Variants in HCN1 observed in about 807,000 individuals in gnomAD.
HCN1 encodes the protein potassium/sodium hyperpolarization-activated cyclic nucleotide-gated channel 1.
A neutral mutation model predicts 78.9 loss-of-function variants in HCN1; 13 were observed. The observed-to-expected ratio is 0.16, with a 90% CI of 0.11 to 0.26. HCN1 has a LOEUF of 0.26. HCN1 is among the 10% of genes least tolerant of loss of function. The pLI is 1.00. For synonymous variants in HCN1, 552 were observed against 455.5 expected, an observed-to-expected ratio of 1.21 and a Z score of -2.70; for missense variants, 810 against 1,154.3, an observed-to-expected ratio of 0.70 and a Z score of 4.32.
intron 5 of HCN1, among the ~76,000 whole-genome samples, chr5:45,328,463 C>T (rs551103530): frequency 2.6e-5 from 4 of 151,674 alleles, no homozygotes; most frequent in African/African-American, 9.6e-5. Context: ...CTTCAAATAT[C>T]CTGTATCTAA....
chr5:45,281,322 C>G (rs1331718898), intron 6 of HCN1, among the ~76,000 whole-genome samples: 2 of 151,986 alleles, frequency 1.3e-5, no homozygotes, highest in South Asian at 2.1e-4. Flanking sequence ...TTCTCTCTCT[C>G]TCTCTCCTGC....
At chr5:45,600,273 A>G (rs888126532) in intron 2 of HCN1, among the ~76,000 whole-genome samples, 6 of 152,066 alleles carry the variant, frequency 3.9e-5, no homozygotes, top group African/African-American at 1.4e-4. Flanking sequence ...GTGAGTTCTG[A>G]GTAAAATATT....
chr5:45,653,446 T>TA (rs2112043859), intron 1 of HCN1, among the ~76,000 whole-genome samples: 1 of 152,258 alleles, frequency 6.6e-6, no homozygotes, highest in South Asian at 2.1e-4. Flanking sequence ...TCTCCAAAAA[T>TA]ACTGTTTTAG....
chr5:45,639,356 G>A (rs1745412338), intron 2 of HCN1, among the ~76,000 whole-genome samples: 1 of 152,070 alleles, frequency 6.6e-6, no homozygotes, highest in South Asian at 2.1e-4. Context: ...TCAGAAAGAT[G>A]TCATCATATA....
At chr5:45,366,377 A>T (rs948331816) in intron 4 of HCN1, among the ~76,000 whole-genome samples, 2 of 151,788 alleles carry the variant, frequency 1.3e-5, no homozygotes, top group African/African-American at 4.8e-5. Flanking sequence ...GCCCCAACAA[A>T]TTTTTTAAGC....
chr5:45,605,562 T>C (rs896952942), intron 2 of HCN1, among the ~76,000 whole-genome samples: 1 of 151,928 alleles, frequency 6.6e-6, no homozygotes, highest in African/African-American at 2.4e-5. Flanking sequence ...GTCAGAGTAA[T>C]GTGGACAGCA....
At chr5:45,657,358 C>T (rs994144916) in intron 1 of HCN1, among the ~76,000 whole-genome samples, 1 of 152,008 alleles carries the variant, frequency 6.6e-6, no homozygotes, top group East Asian at 1.9e-4. Context: ...TTCTTTCATC[C>T]TTTCCTTCAT....
At chr5:45,481,498 G>C (rs892492996) in intron 2 of HCN1, among the ~76,000 whole-genome samples, 1 of 152,176 alleles carries the variant, frequency 6.6e-6, no homozygotes, top group Non-Finnish European at 1.5e-5. Context: ...GACATAGTTT[G>C]GAAAGAAATG....
intron 2 of HCN1, among the ~76,000 whole-genome samples, chr5:45,513,380 TA>T (rs558869679): frequency 2.6e-5 from 4 of 152,086 alleles, no homozygotes; most frequent in Non-Finnish European, 5.9e-5. Flanking sequence ...AAGAAATATG[TA>T]AAAAACACAT....
At chr5:45,408,199 T>C (rs1739961688) in intron 3 of HCN1, among the ~76,000 whole-genome samples, 1 of 152,136 alleles carries the variant, frequency 6.6e-6, no homozygotes, top group Non-Finnish European at 1.5e-5. Flanking sequence ...ATAAATTTAG[T>C]GTAGCCTAAG....
intron 3 of HCN1, among the ~76,000 whole-genome samples, chr5:45,460,134 C>G (rs1741115849): frequency 6.6e-6 from 1 of 152,120 alleles, no homozygotes; most frequent in Non-Finnish European, 1.5e-5. Context: ...CTGAATGTGA[C>G]TCCCAAAATT....
chr5:45,643,008 C>T (rs751729686), intron 2 of HCN1: 1 of 152,114 alleles, frequency 6.6e-6, no homozygotes, highest in Non-Finnish European at 1.5e-5. Context: ...TTATAAGAAA[C>T]ATGTTGCCAA....
At chr5:45,294,597 A>G (rs916845056) in intron 6 of HCN1, among the ~76,000 whole-genome samples, 2 of 152,098 alleles carry the variant, frequency 1.3e-5, no homozygotes, top group African/African-American at 2.4e-5. Flanking sequence ...TTATATTAGA[A>G]AAACAAACTT....
intron 2 of HCN1, among the ~76,000 whole-genome samples, chr5:45,611,405 G>A (rs1187410698): frequency 6.6e-6 from 1 of 150,406 alleles, no homozygotes; most frequent in Non-Finnish European, 1.5e-5. Context: ...CTGAGTAGCT[G>A]GGATTACAGG....
chr5:45,306,837 T>C (rs934338860), intron 5 of HCN1, among the ~76,000 whole-genome samples: 2 of 152,114 alleles, frequency 1.3e-5, no homozygotes, highest in Non-Finnish European at 2.9e-5. Flanking sequence ...CTATGTGCAT[T>C]AAATTGAGGA....
At chr5:45,666,549 T>A (rs116535622) in intron 1 of HCN1, among the ~76,000 whole-genome samples, 21 of 152,094 alleles carry the variant, frequency 1.4e-4, no homozygotes, top group African/African-American at 4.8e-4. Flanking sequence ...GGTGGCCTAG[T>A]AATACATTCC....
chr5:45,499,668 A>G (rs1742149365), intron 2 of HCN1, among the ~76,000 whole-genome samples: 1 of 152,174 alleles, frequency 6.6e-6, no homozygotes, highest in Admixed American at 6.5e-5. Flanking sequence ...CACTCAATAT[A>G]TATTGATTTA....
chr5:45,621,752 T>C (rs2111995759), intron 2 of HCN1, among the ~76,000 whole-genome samples: 1 of 152,278 alleles, frequency 6.6e-6, no homozygotes, highest in South Asian at 2.1e-4. Flanking sequence ...ACATAACGAA[T>C]CTAGTAGTTT....
intron 2 of HCN1, among the ~76,000 whole-genome samples, chr5:45,472,767 T>G (rs1013116407): frequency 1.3e-5 from 2 of 152,020 alleles, no homozygotes; most frequent in African/African-American, 4.8e-5. Context: ...ATCACATGTC[T>G]GTAATAAAGT....
Sources: gnomAD v4.1 joint callset for allele counts (sites outside exome capture counted in the v4.1 genomes callset) on GRCh38, gnomAD v4.1.1 for gene constraint, MANE v1.5 for transcripts, NCBI Gene and HGNC (gene_info 2026-07-23, HGNC 2026-07-21) for gene names.